The following TBC1D32 variants were observed in gnomAD, a reference collection of about 807,000 sequenced individuals.
TBC1D32 encodes the protein TBC1 domain family member 32, also known as protein broad-minded.
A neutral mutation model predicts 170.3 loss-of-function variants in TBC1D32; 151 were observed. The observed-to-expected ratio is 0.89, with a 90% CI of 0.78 to 1.01. TBC1D32 has a LOEUF of 1.01. Among genes scored for constraint, TBC1D32 ranks in the 50% least tolerant of loss-of-function variants. The pLI, the probability that TBC1D32 is intolerant of heterozygous loss-of-function variation, is 0.00. For synonymous variants in TBC1D32, 498 were observed against 488.0 expected (o/e 1.02, Z -0.27); for missense variants, 1,464 against 1,457.1 (o/e 1.00, Z -0.08).
chr6:121,269,828 T>G (rs1310032256), intron 15 of TBC1D32, among the ~76,000 whole-genome samples: 1 of 152,018 alleles, frequency 6.6e-6, no homozygotes, highest in African/African-American at 2.4e-5. Flanking sequence ...AGCACCACAT[T>G]GCACTTATTC....
intron 22 of TBC1D32, among the ~76,000 whole-genome samples, chr6:121,195,591 T>C (rs1405197233): frequency 6.6e-6 from 1 of 152,194 alleles, no homozygotes; most frequent in African/African-American, 2.4e-5. Flanking sequence ...GAGCAGGTCC[T>C]GAAGGCACAA....
intron 24 of TBC1D32, among the ~76,000 whole-genome samples, chr6:121,157,805 T>C (rs1015684702): frequency 3.3e-5 from 5 of 152,138 alleles, no homozygotes; most frequent in African/African-American, 1.2e-4. Context: ...GAAATTTCTT[T>C]ACCTTAAAAA....
chr6:121,218,713 C>G (rs541638974), intron 21 of TBC1D32, among the ~76,000 whole-genome samples: 3 of 152,242 alleles, frequency 2.0e-5, no homozygotes, highest in East Asian at 1.9e-4. Flanking sequence ...TTCTGTCCCT[C>G]TAAAGAACGC....
chr6:121,232,402 C>T (rs749974541), intron 20 of TBC1D32, among the ~76,000 whole-genome samples: 13 of 151,928 alleles, frequency 8.6e-5, no homozygotes, highest in South Asian at 4.1e-4. Flanking sequence ...TTTGGCTATG[C>T]GGGCTCTTTG....
intron 17 of TBC1D32, among the ~76,000 whole-genome samples, chr6:121,250,649 T>C (rs1798168970): frequency 1.3e-5 from 2 of 152,140 alleles, no homozygotes; most frequent in Non-Finnish European, 2.9e-5. Flanking sequence ...GGGCAAAAAC[T>C]GGAAGCATTC....
intron 30 of TBC1D32, among the ~76,000 whole-genome samples, chr6:121,098,801 A>C (rs1425341298): frequency 6.6e-6 from 1 of 152,094 alleles, no homozygotes; most frequent in East Asian, 1.9e-4. Flanking sequence ...ATGATCCAGG[A>C]TATTTCCATT....
At position 121,079,694 on chromosome 6, in the gene TBC1D32, A is replaced by C. The variant is rs1476285245; in HGVS notation, c.*1077T>G. ...GACATTCACATATTGTATTAATCTTACCGGTGCAGAGACATCTATTTAAAT... is the reference window on the plus strand; with the variant it reads ...GACATTCACATATTGTATTAATCTTCCCGGTGCAGAGACATCTATTTAAAT... On this transcript the variant is annotated 3_prime_UTR_variant, in exon 32 of 32. Transcript: ENST00000398212. 1 of 152,172 alleles carries C rather than the reference A, an allele frequency of 6.6e-6. No homozygotes were observed. Among genetic ancestry groups the C allele is most frequent in the Non-Finnish European group, 1.5e-5 (1 of 68,004 alleles). The allele number at this position is 152,172 out of a possible 1,614,324, so 9.4% of individuals were successfully genotyped here. A position where few individuals can be genotyped will look rare whatever the true frequency, so the allele number is the denominator to read the frequency against.
At chr6:121,254,038 A>G (rs192403929) in intron 17 of TBC1D32, among the ~76,000 whole-genome samples, 64 of 152,166 alleles carry the variant, frequency 4.2e-4, no homozygotes, top group Admixed American at 4.1e-3. Context: ...CATATATGCC[A>G]TGGAATACTA....
At chr6:121,127,390 T>C (rs1057468181) in intron 25 of TBC1D32, among the ~76,000 whole-genome samples, 2 of 152,128 alleles carry the variant, frequency 1.3e-5, no homozygotes, top group African/African-American at 2.4e-5. Context: ...AGGACAAAAA[T>C]GAAATGATTT....
rs370817402 is a variant in TBC1D32, at chr6:121,279,116, C to A, written c.1733+5G>T. 4.4e-5 allele frequency: 70 copies of A among 1,589,662 alleles called. No individual in the cohort carries two copies. The highest frequency in any genetic ancestry group is 5.7e-5 in the Non-Finnish European group (67 of 1,173,808). ...ATAATTATCCGGATTTAAAATAGCA[C>A]ATACCTTTCTTCAGAAGAGTTCATA... On this transcript the variant is annotated splice_donor_5th_base_variant and intron_variant, in intron 15 of 31. Coordinates refer to ENST00000398212, the MANE Select transcript of TBC1D32 (RefSeq NM_152730.6).
chr6:121,305,888 TATA>T (rs1807253581), intron 5 of TBC1D32, among the ~76,000 whole-genome samples: 1 of 152,130 alleles, frequency 6.6e-6, no homozygotes, highest in South Asian at 2.1e-4. Flanking sequence ...ATCTCTCCTC[TATA>T]ATAATTGCTT....
intron 9 of TBC1D32, 119 bp downstream of exon 9, chr6:121,303,498 T>C (rs912445455): frequency 6.1e-6 from 5 of 821,682 alleles, no homozygotes; most frequent in Non-Finnish European, 8.2e-6. Flanking sequence ...AAGAAATAAA[T>C]GAGCTAACAC....
At chr6:121,189,310 C>A (rs770477292) in intron 22 of TBC1D32, among the ~76,000 whole-genome samples, 12 of 152,034 alleles carry the variant, frequency 7.9e-5, no homozygotes, top group Non-Finnish European at 1.5e-4. Context: ...CAGGGTCAGT[C>A]CAGAGCCCTG....
At chr6:121,328,701 C>T (rs990084704) in intron 1 of TBC1D32, among the ~76,000 whole-genome samples, 1 of 152,176 alleles carries the variant, frequency 6.6e-6, no homozygotes, top group African/African-American at 2.4e-5. Flanking sequence ...TTTACACTGA[C>T]CAATCTTGCA....
chr6:121,259,242 G>A (rs1469544580), intron 15 of TBC1D32, among the ~76,000 whole-genome samples: 2 of 152,000 alleles, frequency 1.3e-5, no homozygotes, highest in African/African-American at 2.4e-5. Flanking sequence ...AGGTTGCAGT[G>A]AGCAGAGATC....
intron 22 of TBC1D32, among the ~76,000 whole-genome samples, chr6:121,199,959 C>CT (rs1033407233): frequency 2.0e-5 from 3 of 151,226 alleles, no homozygotes; most frequent in African/African-American, 7.4e-5. Flanking sequence ...AGAGGTCAGA[C>CT]TTTTTTAACA....
chr6:121,133,012 T>C (rs1781610771), intron 24 of TBC1D32, among the ~76,000 whole-genome samples: 1 of 151,930 alleles, frequency 6.6e-6, no homozygotes, highest in African/African-American at 2.4e-5. Flanking sequence ...TCTTTACCAC[T>C]TCTCTTGAAA....
At chr6:121,157,829 C>T (rs1785103146) in intron 24 of TBC1D32, among the ~76,000 whole-genome samples, 1 of 152,044 alleles carries the variant, frequency 6.6e-6, no homozygotes, top group South Asian at 2.1e-4. Flanking sequence ...TGAAAATAGG[C>T]CTCCAATCTC....
At chr6:121,242,767 T>C (rs570884188) in intron 17 of TBC1D32, among the ~76,000 whole-genome samples, 1 of 152,212 alleles carries the variant, frequency 6.6e-6, no homozygotes, top group African/African-American at 2.4e-5. Context: ...TATTATCTCT[T>C]TTCGATTTTC....
Sources: gnomAD v4.1 joint callset for allele counts (sites outside exome capture counted in the v4.1 genomes callset) on GRCh38, gnomAD v4.1.1 for gene constraint, MANE v1.5 for transcripts, NCBI Gene and HGNC (gene_info 2026-07-23, HGNC 2026-07-21) for gene names.